NNT: variants seen among roughly 807,000 people sequenced by gnomAD.
NNT encodes the protein nicotinamide nucleotide transhydrogenase.
In NNT, 50 loss-of-function variants were observed where a neutral mutation model predicts 104.8. That is an observed-to-expected ratio of 0.48 (90% CI 0.38 to 0.60). The LOEUF is 0.60. Among genes scored for constraint, NNT ranks in the 20% least tolerant of loss-of-function variants. The probability of loss-of-function intolerance (pLI) is 0.00; values close to 1 mark genes in which losing one functional copy is unlikely to be tolerated. For missense variants in NNT, 1,131 were observed against 1,330.7 expected, an observed-to-expected ratio of 0.85 and a Z score of 2.33; for synonymous variants, 461 against 490.4, an observed-to-expected ratio of 0.94 and a Z score of 0.79.
chr5:43,612,339 T>A (rs67261887), intron 2 of NNT, among the ~76,000 whole-genome samples: 72,662 of 151,988 alleles, frequency 0.48, 18,162 homozygotes, highest in Middle Eastern at 0.63. Context: ...GCCCTGTAGA[T>A]GATTGTCCTT....
At chr5:43,668,480 T>C (rs1264383755) in intron 17 of NNT, among the ~76,000 whole-genome samples, 1 of 152,224 alleles carries the variant, frequency 6.6e-6, no homozygotes, top group Non-Finnish European at 1.5e-5. Context: ...AGGGATCCAA[T>C]TTCAGCTTTC....
At chr5:43,703,540 T>G (rs1459681719) in intron 21 of NNT, among the ~76,000 whole-genome samples, 2 of 152,172 alleles carry the variant, frequency 1.3e-5, no homozygotes, top group African/African-American at 4.8e-5. Context: ...AGAAGAAGAA[T>G]ACATTTGCAC....
chr5:43,608,068 T>C (rs1749319080), intron 1 of NNT, among the ~76,000 whole-genome samples: 1 of 152,006 alleles, frequency 6.6e-6, no homozygotes, highest in Admixed American at 6.6e-5. Flanking sequence ...GTAGCCAGGA[T>C]TACAGGTGCC....
intron 17 of NNT, among the ~76,000 whole-genome samples, chr5:43,674,241 C>T (rs554239566): frequency 1.5e-4 from 23 of 152,164 alleles, no homozygotes; most frequent in African/African-American, 3.6e-4. Flanking sequence ...TTGAAATTTA[C>T]GTTATTTAGG....
At chr5:43,638,888 G>T in intron 7 of NNT, among the ~76,000 whole-genome samples, 1 of 150,942 alleles carries the variant, frequency 6.6e-6, no homozygotes, top group African/African-American at 2.4e-5. Flanking sequence ...TTTCTTTTTG[G>T]TATGATTAGA....
At chr5:43,624,609 T>C (rs1561271290) in intron 6 of NNT, among the ~76,000 whole-genome samples, 2 of 152,224 alleles carry the variant, frequency 1.3e-5, no homozygotes, top group Admixed American at 6.5e-5. Flanking sequence ...TAGAGCTGCA[T>C]ATATTTTTCT....
At chr5:43,638,259 C>T (rs765932305) in intron 7 of NNT, among the ~76,000 whole-genome samples, 7 of 152,150 alleles carry the variant, frequency 4.6e-5, no homozygotes, top group Non-Finnish European at 7.4e-5. Context: ...ATCACCCAGT[C>T]TCGGCCAGCA....
Position 43,706,979 on chromosome 5 carries a change from G to A in NNT, c.*2575G>A. On this transcript the variant is annotated 3_prime_UTR_variant, in exon 22 of 22. Coordinates refer to ENST00000344920, the MANE Select transcript of NNT (RefSeq NM_182977.3). ...ACACCAGGGCCTGTCATGGGGTGGG[G>A]GGAGTGGGGAGGGATAGCATTAGGA... 1 of 152,244 alleles carries A rather than the reference G, an allele frequency of 6.6e-6. No homozygotes were observed. 9.4% of individuals were successfully genotyped at this position (152,244 alleles called of 1,614,324 possible). A position where few individuals can be genotyped will look rare whatever the true frequency, so the allele number is the denominator to read the frequency against.
At chr5:43,648,982 A>G (rs1237415801) in intron 10 of NNT, among the ~76,000 whole-genome samples, 165 bp from the exon 11 acceptor site, 1 of 152,168 alleles carries the variant, frequency 6.6e-6, no homozygotes, top group Non-Finnish European at 1.5e-5. Flanking sequence ...GTATTCCTCC[A>G]TCCCCCCACT....
chr5:43,612,884 T>A (rs754203396), intron 2 of NNT, 24 bp from the exon 3 acceptor site: 48 of 1,502,496 alleles, frequency 3.2e-5, no homozygotes, highest in Middle Eastern at 1.7e-4. Context: ...AATATATATT[T>A]TTTTTGCCTT....
chr5:43,692,537 T>C (rs1742343906), intron 19 of NNT, among the ~76,000 whole-genome samples: 4 of 152,222 alleles, frequency 2.6e-5, no homozygotes, highest in Admixed American at 2.6e-4. Flanking sequence ...TTGGCCAGGC[T>C]GGTCTCGAAC....
chr5:43,654,441 T>C (rs569211653), intron 14 of NNT, among the ~76,000 whole-genome samples: 1 of 152,384 alleles, frequency 6.6e-6, no homozygotes, highest in East Asian at 1.9e-4. Flanking sequence ...ATTTGAAAAC[T>C]ATTATCAGAT....
At chr5:43,676,235 C>A (rs1003368774) in intron 18 of NNT, among the ~76,000 whole-genome samples, 2 of 152,144 alleles carry the variant, frequency 1.3e-5, no homozygotes, top group African/African-American at 4.8e-5. Flanking sequence ...CCTCAATTTT[C>A]CAGTTTTCTG....
intron 6 of NNT, among the ~76,000 whole-genome samples, chr5:43,627,600 G>A (rs751103407): frequency 1.4e-4 from 22 of 151,994 alleles, no homozygotes; most frequent in Non-Finnish European, 3.2e-4. Context: ...CAGTACTTGG[G>A]TAGCATTTAT....
intron 19 of NNT, among the ~76,000 whole-genome samples, chr5:43,681,020 G>A (rs1220396000): frequency 6.6e-6 from 1 of 151,946 alleles, no homozygotes; most frequent in African/African-American, 2.4e-5. Context: ...CAGCACTTTG[G>A]GAGGCTGAGG....
chr5:43,676,431 A>G (rs972100384), intron 18 of NNT, among the ~76,000 whole-genome samples: 2 of 152,250 alleles, frequency 1.3e-5, no homozygotes, highest in Non-Finnish European at 2.9e-5. Flanking sequence ...AATAGGAGAC[A>G]TTAGCTGAAT....
intron 13 of NNT, 61 bp downstream of exon 13, chr5:43,651,945 A>T: frequency 2.6e-6 from 4 of 1,525,038 alleles, no homozygotes; most frequent in Non-Finnish European, 3.6e-6. Flanking sequence ...ATTAGATTTA[A>T]CATTGTTAGT....
chr5:43,635,629 A>G (rs187647655), intron 7 of NNT, among the ~76,000 whole-genome samples: 1 of 152,128 alleles, frequency 6.6e-6, no homozygotes, highest in Non-Finnish European at 1.5e-5. Context: ...TATAAGGTCA[A>G]TGTGTCTGTG....
chr5:43,614,338 C>A (rs1443348588), intron 3 of NNT, among the ~76,000 whole-genome samples: 1 of 152,130 alleles, frequency 6.6e-6, no homozygotes, highest in East Asian at 1.9e-4. Flanking sequence ...TTGGGGGCCT[C>A]TCATTTGAGC....
Sources: gnomAD v4.1 joint callset for allele counts (sites outside exome capture counted in the v4.1 genomes callset) on GRCh38, gnomAD v4.1.1 for gene constraint, MANE v1.5 for transcripts, NCBI Gene and HGNC (gene_info 2026-07-23, HGNC 2026-07-21) for gene names.